FBLN2: variants seen among roughly 807,000 people sequenced by gnomAD.
The protein encoded by FBLN2 is fibulin-2.
FBLN2 carries 81 observed loss-of-function variants against 123.7 expected under a neutral mutation model. The observed-to-expected ratio is 0.65, with a 90% CI of 0.55 to 0.79. The LOEUF (loss-of-function observed/expected upper bound fraction) is 0.79. Among genes scored for constraint, FBLN2 ranks in the 30% least tolerant of loss-of-function variants. FBLN2 has a pLI of 0.00. For synonymous variants in FBLN2, 699 were observed against 701.4 expected (o/e 1.00, Z 0.05); for missense variants, 1,603 against 1,681.3 (o/e 0.95, Z 0.81).
intron 2 of FBLN2, among the ~76,000 whole-genome samples, chr3:13,599,383 G>A (rs1273178422): frequency 6.6e-6 from 1 of 152,202 alleles, no homozygotes; most frequent in Non-Finnish European, 1.5e-5. Flanking sequence ...CTTGGGGCAG[G>A]ACTGAGTCTG....
rs1703255989 is a variant in FBLN2, at chr3:13,549,173, G to A, written c.-77G>A. 4 of 982,414 alleles carry A rather than the reference G, an allele frequency of 4.1e-6. No individual in the cohort carries two copies. In the Admixed American group the frequency reaches 1.9e-4, roughly 46 times the overall value. The allele number at this position is 982,414 out of a possible 1,614,324, so 60.9% of individuals were successfully genotyped here. ...GCTCTCGACGCGCCGACGGCCGGGC[G>A]GACGGACGGACGGACGCCGAGCGCA... On this transcript the variant is annotated 5_prime_UTR_variant, in exon 1 of 18. Coordinates refer to ENST00000404922, the MANE Select transcript of FBLN2 (RefSeq NM_001004019.2).
At chr3:13,590,362 G>A (rs1704631061) in intron 2 of FBLN2, among the ~76,000 whole-genome samples, 1 of 151,970 alleles carries the variant, frequency 6.6e-6, no homozygotes, top group Non-Finnish European at 1.5e-5. Context: ...GTCTCACTCT[G>A]TTGCCCAGAC....
chr3:13,559,757 C>T (rs940919319), intron 1 of FBLN2, among the ~76,000 whole-genome samples: 4 of 152,150 alleles, frequency 2.6e-5, no homozygotes, highest in African/African-American at 9.7e-5. Context: ...GCACATTCTC[C>T]AGGGGGCCAG....
chr3:13,580,493 C>T (rs1191545162), intron 2 of FBLN2, among the ~76,000 whole-genome samples: 2 of 152,166 alleles, frequency 1.3e-5, no homozygotes, highest in Non-Finnish European at 2.9e-5. Flanking sequence ...ACACAGTCAA[C>T]AAAATGAACA....
chr3:13,573,793 C>T (rs1389160889), intron 2 of FBLN2, among the ~76,000 whole-genome samples: 1 of 150,246 alleles, frequency 6.7e-6, no homozygotes, highest in African/African-American at 2.5e-5. Flanking sequence ...ATCCCAGCTA[C>T]TTGGGCGGCT....
intron 17 of FBLN2, 29 bp downstream of exon 17, chr3:13,636,597 C>T (rs762504578): frequency 1.2e-6 from 2 of 1,608,690 alleles, no homozygotes; most frequent in Admixed American, 1.7e-5. Flanking sequence ...GTCCCAGTCC[C>T]AGGGAGCCTG....
intron 2 of FBLN2, among the ~76,000 whole-genome samples, chr3:13,588,003 G>A (rs1312362848): frequency 6.6e-6 from 1 of 152,208 alleles, no homozygotes; most frequent in Non-Finnish European, 1.5e-5. Flanking sequence ...CAAGTGGTCA[G>A]GACTTCCTGA....
At chr3:13,620,559 C>T (rs1337041380) in intron 8 of FBLN2, among the ~76,000 whole-genome samples, 6 of 152,180 alleles carry the variant, frequency 3.9e-5, no homozygotes, top group African/African-American at 2.4e-5. Context: ...TGGGCCAGGA[C>T]CCCCCACTGT....
intron 5 of FBLN2, among the ~76,000 whole-genome samples, chr3:13,617,479 C>T (rs1229631961): frequency 6.6e-6 from 1 of 150,478 alleles, no homozygotes; most frequent in Non-Finnish European, 1.5e-5. Context: ...GCCAAATACT[C>T]ATTCATCCGT....
Position 13,568,925 on chromosome 3 carries a change from G to A in FBLN2, c.-41-1390G>A, listed in dbSNP as rs551448348. 34 of 985,746 alleles carry A rather than the reference G, an allele frequency of 3.4e-5. No individual in the cohort carries two copies. In the African/African-American group the frequency reaches 4.9e-4, roughly 14 times the overall value. 61.1% of individuals were successfully genotyped at this position (985,746 alleles called of 1,614,324 possible). A position where few individuals can be genotyped will look rare whatever the true frequency, so the allele number is the denominator to read the frequency against. On this transcript the variant is annotated intron_variant, in intron 1 of 17. Coordinates refer to ENST00000404922, the MANE Select transcript of FBLN2 (RefSeq NM_001004019.2). ...TAGAGGGGCTGGGTGCAGAGGAGGC[G>A]TTCCTTTAGAAATGGGGCAGGCTTG...
intron 1 of FBLN2, among the ~76,000 whole-genome samples, chr3:13,550,681 G>A (rs559001407): frequency 2.2e-3 from 340 of 152,246 alleles, no homozygotes; most frequent in Non-Finnish European, 4.0e-3. Context: ...ATGCCAAATG[G>A]GGTGAAGACT....
chr3:13,633,400 G>C (rs1348425987), intron 16 of FBLN2, among the ~76,000 whole-genome samples: 1 of 152,286 alleles, frequency 6.6e-6, no homozygotes, highest in Non-Finnish European at 1.5e-5. Context: ...GGGCAAGGTA[G>C]AGCCCCACAC....
chr3:13,614,877 C>T (rs1038505188), intron 5 of FBLN2, among the ~76,000 whole-genome samples: 28 of 149,892 alleles, frequency 1.9e-4, no homozygotes, highest in African/African-American at 6.4e-4. Context: ...TCCATCTATC[C>T]ATCTGTCTGA....
chr3:13,613,960 A>G, intron 4 of FBLN2, 24 bp from the exon 5 acceptor site: 1 of 1,604,288 alleles, frequency 6.2e-7, no homozygotes, highest in Non-Finnish European at 8.5e-7. Flanking sequence ...GAGATTGGGC[A>G]GTGATAACTG....
chr3:13,570,188 G>A, intron 1 of FBLN2, 127 bp from the exon 2 acceptor site: 2 of 990,102 alleles, frequency 2.0e-6, no homozygotes, highest in African/African-American at 1.6e-5. Flanking sequence ...TGCTTAGTGT[G>A]CTCCTGGGGA....
chr3:13,609,733 T>G, intron 4 of FBLN2, 91 bp downstream of exon 4: 1 of 1,474,322 alleles, frequency 6.8e-7, no homozygotes, highest in Non-Finnish European at 9.2e-7. Flanking sequence ...CCCAAGAAGT[T>G]AGGCTGTCCT....
At chr3:13,575,550 C>G (rs1052063350) in intron 2 of FBLN2, among the ~76,000 whole-genome samples, 4 of 152,256 alleles carry the variant, frequency 2.6e-5, no homozygotes, top group African/African-American at 9.6e-5. Context: ...AGCCAGCAGT[C>G]CTCATCAAAG....
At chr3:13,555,286 C>T (rs1451803179) in intron 1 of FBLN2, among the ~76,000 whole-genome samples, 1 of 151,936 alleles carries the variant, frequency 6.6e-6, no homozygotes, top group Non-Finnish European at 1.5e-5. Flanking sequence ...CCTTTGATCA[C>T]AACTGTAGAC....
In FBLN2 at chr3:13,637,905, A is replaced by G. The variant is rs1559432051; in HGVS notation, c.3682A>G (p.Thr1228Ala). 1.9e-6 allele frequency: 3 copies of G among 1,586,984 alleles called. No individual in the cohort carries two copies. The highest frequency in any genetic ancestry group is 2.6e-6 in the Non-Finnish European group (3 of 1,162,924). The change falls in exon 18 of 18, where the codon ACC (threonine) becomes GCC (alanine). Residue 1228 changes from threonine (T) to alanine (A), a missense_variant. Coordinates refer to ENST00000404922, the MANE Select transcript of FBLN2 (RefSeq NM_001004019.2). ...FLAKMHIFFT[T>A]FAL The stretch of plus-strand genomic sequence containing the variant: ...GGCCAAGATGCACATCTTCTTCACC[A>G]CCTTTGCCCTGTGAGGTGCCAGCAC...
Sources: allele counts gnomAD v4.1 joint callset (sites outside exome capture counted in the v4.1 genomes callset), GRCh38; gene constraint gnomAD v4.1.1; transcripts MANE v1.5; gene names NCBI Gene and HGNC (gene_info 2026-07-23, HGNC 2026-07-21).